LGR5: variants seen among roughly 807,000 people sequenced by gnomAD.
LGR5 encodes the protein leucine rich repeat containing G protein-coupled receptor 5.
A neutral mutation model predicts 76.7 loss-of-function variants in LGR5; 54 were observed. The ratio of observed to expected loss-of-function variants is 0.70; its 90% CI spans 0.57 to 0.88. LGR5 has a LOEUF of 0.88. Among genes scored for constraint, LGR5 ranks in the 40% least tolerant of loss-of-function variants. The pLI is 0.00. For missense variants in LGR5, 1,078 were observed against 1,073.3 expected, an observed-to-expected ratio of 1.00 and a Z score of -0.06; for synonymous variants, 406 against 421.9, an observed-to-expected ratio of 0.96 and a Z score of 0.46.
intron 4 of LGR5, among the ~76,000 whole-genome samples, chr12:71,551,467 C>G (rs912810772): frequency 6.6e-6 from 1 of 152,146 alleles, no homozygotes; most frequent in African/African-American, 2.4e-5. Flanking sequence ...CTTCCTAATA[C>G]GTGGACCACT....
At chr12:71,450,576 T>G (rs1872207427) in intron 1 of LGR5, among the ~76,000 whole-genome samples, 1 of 152,216 alleles carries the variant, frequency 6.6e-6, no homozygotes, top group Admixed American at 6.5e-5. Flanking sequence ...TCCAAAGTGC[T>G]GGGATTATAG....
chr12:71,481,045 A>G (rs1268214965), intron 1 of LGR5, among the ~76,000 whole-genome samples: 1 of 152,226 alleles, frequency 6.6e-6, no homozygotes, highest in African/African-American at 2.4e-5. Flanking sequence ...TTTTGAACCC[A>G]TGAAATGGGA....
At chr12:71,557,057 G>A (rs1877805264) in intron 6 of LGR5, among the ~76,000 whole-genome samples, 1 of 152,212 alleles carries the variant, frequency 6.6e-6, no homozygotes, top group African/African-American at 2.4e-5. Flanking sequence ...GCCAATGCCT[G>A]CGTCTTCAAT....
At chr12:71,521,318 G>T (rs1344594355) in intron 2 of LGR5, among the ~76,000 whole-genome samples, 1 of 152,160 alleles carries the variant, frequency 6.6e-6, no homozygotes, top group Non-Finnish European at 1.5e-5. Context: ...AACCGCGGGG[G>T]TCCATCCTGA....
intron 1 of LGR5, among the ~76,000 whole-genome samples, chr12:71,502,623 G>A (rs921310779): frequency 6.6e-6 from 1 of 152,156 alleles, no homozygotes; most frequent in African/African-American, 2.4e-5. Context: ...TGCATAATGA[G>A]GTTAGTTTTC....
chr12:71,479,061 T>G (rs1486393922), intron 1 of LGR5, among the ~76,000 whole-genome samples: 1 of 152,244 alleles, frequency 6.6e-6, no homozygotes, highest in Non-Finnish European at 1.5e-5. Flanking sequence ...TCCTCTCAAT[T>G]TGATTTTAAA....
At chr12:71,582,286 G>A (rs1879124954) in intron 16 of LGR5, 170 bp from the exon 17 acceptor site, 1 of 578,674 alleles carries the variant, frequency 1.7e-6, no homozygotes, top group Admixed American at 2.9e-5. Flanking sequence ...TGTCATAGCA[G>A]CTTGAGTCAA....
chr12:71,475,860 G>A (rs1452229696), intron 1 of LGR5, among the ~76,000 whole-genome samples: 1 of 152,118 alleles, frequency 6.6e-6, no homozygotes, highest in African/African-American at 2.4e-5. Flanking sequence ...AAATCTGAGA[G>A]GACAATGAAA....
rs1029442891 is a variant in LGR5 at position 71,495,258 on chromosome 12, A to C, written c.213-9356A>C. ...GGCAAGCATTTATGGGAAGATGCAAAAGTAAAACAAAGAAATCAGATTGAC... is the reference window on the plus strand; with the variant it reads ...GGCAAGCATTTATGGGAAGATGCAACAGTAAAACAAAGAAATCAGATTGAC... On this transcript the variant is annotated intron_variant, in intron 1 of 17. Transcript: ENST00000266674. Among the ~76,000 whole-genome samples, 16 of 151,440 alleles carry C rather than the reference A, an allele frequency of 1.1e-4. 1 individual carries two copies. Among genetic ancestry groups the C allele is most frequent in the African/African-American group, 3.2e-4 (13 of 40,668 alleles).
chr12:71,518,485 A>C (rs1163693155), intron 2 of LGR5, among the ~76,000 whole-genome samples: 1 of 152,242 alleles, frequency 6.6e-6, no homozygotes, highest in Non-Finnish European at 1.5e-5. Flanking sequence ...TCGACCCAGC[A>C]ATACATTACT....
At position 71,482,884 on chromosome 12, in the gene LGR5, C is replaced by T. The variant is rs1873670291; in HGVS notation, c.213-21730C>T. On this transcript the variant is annotated intron_variant, in intron 1 of 17. Coordinates refer to ENST00000266674, the MANE Select transcript of LGR5 (RefSeq NM_003667.4). ...ATATCATGAATTATAGCACAGTCTT[C>T]GTTAGGACTCTGCAAATATCCATCT... Among the ~76,000 whole-genome samples, 4 of 152,138 alleles carry T rather than the reference C, an allele frequency of 2.6e-5. No individual in the cohort carries two copies. The South Asian group carries it at 6.2e-4, about 24-fold the overall frequency.
rs889599338 is a variant in LGR5 at position 71,454,701 on chromosome 12, T to C, written c.212+14409T>C. ...CAGAGCTTGGTTACTGGCTCCACTG[T>C]GGAGCTGGCTCACCCCATGGGTAGA... On this transcript the variant is annotated intron_variant, in intron 1 of 17. Coordinates refer to ENST00000266674, the MANE Select transcript of LGR5 (RefSeq NM_003667.4). Among the ~76,000 whole-genome samples the C allele has an allele frequency of 4.6e-5, 7 of 152,118 alleles. No individual in the cohort carries two copies. The East Asian group carries it at 1.4e-3, about 30-fold the overall frequency.
intron 4 of LGR5, among the ~76,000 whole-genome samples, chr12:71,548,140 TG>T (rs1877288211): frequency 6.6e-6 from 1 of 152,202 alleles, no homozygotes; most frequent in Non-Finnish European, 1.5e-5. Flanking sequence ...CAGACAGGTT[TG>T]GGGCTGCCTC....
Position 71,440,122 on chromosome 12 carries a change from G to A in LGR5, c.42G>A (p.Val14=), listed in dbSNP as rs1871687766. Residue 14 remains valine, a synonymous_variant, in exon 1 of 18, where the codon GTG becomes GTA. Coordinates refer to ENST00000266674, the MANE Select transcript of LGR5 (RefSeq NM_003667.4). This position sits in a 1 kb window ranked among gnomAD's most constrained non-coding sequence, Gnocchi z 5.3. The stretch of plus-strand genomic sequence containing the variant: ...TCGGTGTGCTCCTGTCCTTGCCTGT[G>A]CTGCTGCAGCTGGCGACCGGGGGCA... The part of the protein sequence containing the change: ...SRLGVLLSLP[V]LLQLATGGSS... 2 of 1,607,694 alleles carry A rather than the reference G, an allele frequency of 1.2e-6. No homozygotes were observed. The highest frequency in any genetic ancestry group is 1.3e-5 in the African/African-American group (1 of 74,862).
At chr12:71,468,736 T>C (rs150196215) in intron 1 of LGR5, among the ~76,000 whole-genome samples, 2 of 131,194 alleles carry the variant, frequency 1.5e-5, no homozygotes, top group Non-Finnish European at 3.2e-5. Context: ...TTTTTTTTGG[T>C]GCGTGGACAT....
Position 71,460,177 on chromosome 12 carries a change from G to A in LGR5, c.212+19885G>A, listed in dbSNP as rs1032822479. Among the ~76,000 whole-genome samples, 7 of 152,032 alleles carry A rather than the reference G, an allele frequency of 4.6e-5. No individual in the cohort carries two copies. In the East Asian group the frequency reaches 1.4e-3, roughly 29 times the overall value. ...AGAAGTCAGGACCCACATCAGTGCA[G>A]GCACAAGAGTGTGAAAGCATGTGGA... On this transcript the variant is annotated intron_variant, in intron 1 of 17. Transcript: ENST00000266674.
intron 1 of LGR5, among the ~76,000 whole-genome samples, chr12:71,465,206 G>T (rs997972919): frequency 5.9e-5 from 9 of 152,054 alleles, no homozygotes; most frequent in Non-Finnish European, 1.5e-5. Flanking sequence ...AGAGGTAACT[G>T]GGCAGCATAC....
intron 3 of LGR5, among the ~76,000 whole-genome samples, chr12:71,529,359 AG>A (rs1394668700): frequency 6.6e-6 from 1 of 152,054 alleles, no homozygotes; most frequent in Non-Finnish European, 1.5e-5. Context: ...AGAGAGAGCG[AG>A]GGGGGATCTG....
rs80013431 is a variant in LGR5 at position 71,578,813 on chromosome 12, G to A, written c.1290G>A (p.Ser430=). The change falls in exon 15 of 18, where the codon TCG becomes TCA. Residue 430 remains serine (S), a synonymous_variant. Coordinates refer to ENST00000266674, the MANE Select transcript of LGR5 (RefSeq NM_003667.4). ...TLPSLIKLDL[S]SNLLSSFPIT... ...GTTTGATGTTTTGCAGGGACCTATC[G>A]TCCAACCTCCTGTCGTCTTTTCCTA... The A allele has an allele frequency of 9.3e-6, 15 of 1,607,038 alleles. No homozygotes were observed. Among genetic ancestry groups the A allele is most frequent in the African/African-American group, 1.3e-5 (1 of 74,612 alleles).
Sources: gnomAD v4.1 joint callset for allele counts (sites outside exome capture counted in the v4.1 genomes callset) on GRCh38, gnomAD v4.1.1 for gene constraint, Gnocchi (gnomAD v3.1) non-coding constraint, MANE v1.5 for transcripts, NCBI Gene and HGNC (gene_info 2026-07-23, HGNC 2026-07-21) for gene names.